Variants in CDC42BPA observed in about 807,000 individuals in gnomAD.
CDC42BPA encodes serine/threonine-protein kinase MRCK alpha.
A neutral mutation model predicts 223.5 loss-of-function variants in CDC42BPA; 80 were observed. The observed-to-expected ratio is 0.36, with a 90% CI of 0.30 to 0.43. The LOEUF (loss-of-function observed/expected upper bound fraction) is 0.43. CDC42BPA is among the 20% of genes least tolerant of loss of function. CDC42BPA has a pLI of 1.00. For missense variants in CDC42BPA, 1,743 were observed against 2,099.9 expected (o/e 0.83, Z 3.32); for synonymous variants, 694 against 718.6 (o/e 0.97, Z 0.55).
At chr1:227,192,808 C>CAA (rs11389466) in intron 5 of CDC42BPA, among the ~76,000 whole-genome samples, 6 of 151,670 alleles carry the variant, frequency 4.0e-5, no homozygotes, top group East Asian at 1.9e-4. Flanking sequence ...CACTTTCATA[C>CAA]AAAAAAAATC....
chr1:227,104,381 T>C (rs548565679), intron 14 of CDC42BPA, among the ~76,000 whole-genome samples: 4 of 152,312 alleles, frequency 2.6e-5, no homozygotes, highest in African/African-American at 9.6e-5. Flanking sequence ...GTTATGCGGA[T>C]AGTCTTCTTG....
intron 35 of CDC42BPA, among the ~76,000 whole-genome samples, chr1:226,995,545 C>T (rs1201875436): frequency 6.6e-6 from 1 of 152,182 alleles, no homozygotes; most frequent in Non-Finnish European, 1.5e-5. Flanking sequence ...CGCTTATCTT[C>T]TAGAAAATTT....
At chr1:227,001,694 G>A (rs1186972650) in intron 35 of CDC42BPA, among the ~76,000 whole-genome samples, 3 of 152,254 alleles carry the variant, frequency 2.0e-5, no homozygotes, top group Non-Finnish European at 2.9e-5. Context: ...ATTACCTGAG[G>A]TCGGGAGTTC....
chr1:227,236,203 T>C (rs937311480), intron 2 of CDC42BPA, among the ~76,000 whole-genome samples: 1 of 152,240 alleles, frequency 6.6e-6, no homozygotes, highest in Non-Finnish European at 1.5e-5. Context: ...GGGTGGTCCC[T>C]ACTGGATATA....
At chr1:227,028,186 C>G (rs1281857651) in intron 30 of CDC42BPA, among the ~76,000 whole-genome samples, 1 of 151,026 alleles carries the variant, frequency 6.6e-6, no homozygotes, top group African/African-American at 2.4e-5. Flanking sequence ...GTAAAATAAG[C>G]AATTATAAAT....
At chr1:227,175,448 T>A (rs771590373) in intron 5 of CDC42BPA, among the ~76,000 whole-genome samples, 4 of 151,306 alleles carry the variant, frequency 2.6e-5, no homozygotes, top group Non-Finnish European at 4.4e-5. Context: ...TATATATATA[T>A]AAATAAATAA....
intron 1 of CDC42BPA, among the ~76,000 whole-genome samples, chr1:227,297,857 G>C (rs1690909708): frequency 6.6e-6 from 1 of 151,060 alleles, no homozygotes; most frequent in Admixed American, 6.6e-5. Flanking sequence ...TTTTGAAATA[G>C]TGGTGATGTT....
chr1:227,048,254 T>C (rs1490960452), intron 22 of CDC42BPA, among the ~76,000 whole-genome samples: 1 of 151,952 alleles, frequency 6.6e-6, no homozygotes, highest in Non-Finnish European at 1.5e-5. Context: ...TCTGGAAATA[T>C]AAAAATAAAT....
intron 9 of CDC42BPA, among the ~76,000 whole-genome samples, chr1:227,141,128 T>G (rs940972475): frequency 6.6e-6 from 1 of 152,204 alleles, no homozygotes; most frequent in Admixed American, 6.5e-5. Flanking sequence ...GATCATTAGA[T>G]TTAGCAACAT....
intron 14 of CDC42BPA, among the ~76,000 whole-genome samples, chr1:227,108,923 A>G (rs12404416): frequency 0.15 from 23,479 of 152,182 alleles, 2,188 homozygotes; most frequent in African/African-American, 0.25. Context: ...AAACCTGTAC[A>G]GTATGGTACT....
At chr1:227,256,391 C>T (rs1254950543) in intron 1 of CDC42BPA, among the ~76,000 whole-genome samples, 2 of 152,088 alleles carry the variant, frequency 1.3e-5, no homozygotes, top group Non-Finnish European at 2.9e-5. Context: ...ACACAGATGA[C>T]AGGTTGATAG....
At chr1:227,291,803 T>A (rs1234763290) in intron 1 of CDC42BPA, among the ~76,000 whole-genome samples, 2 of 152,148 alleles carry the variant, frequency 1.3e-5, no homozygotes, top group African/African-American at 2.4e-5. Context: ...TACCTCTTAT[T>A]ACTGTACTAT....
intron 2 of CDC42BPA, chr1:227,234,290 G>C (rs1678582229): frequency 6.6e-6 from 1 of 152,180 alleles, no homozygotes; most frequent in South Asian, 2.1e-4. Flanking sequence ...AAATTAACTA[G>C]TGGAAACTTT....
chr1:227,243,705 C>T (rs4630094), intron 2 of CDC42BPA, among the ~76,000 whole-genome samples: 46,725 of 151,216 alleles, frequency 0.31, 7,365 homozygotes, highest in East Asian at 0.38. Flanking sequence ...AATTTCTGTT[C>T]AATACAAGAT....
At chr1:227,027,042 C>A (rs1237256008) in intron 30 of CDC42BPA, among the ~76,000 whole-genome samples, 1 of 152,210 alleles carries the variant, frequency 6.6e-6, no homozygotes, top group African/African-American at 2.4e-5. Flanking sequence ...ATCCTCCTGC[C>A]TCAGCCTCCT....
intron 3 of CDC42BPA, among the ~76,000 whole-genome samples, chr1:227,199,960 T>C (rs996185915): frequency 1.3e-5 from 2 of 152,216 alleles, no homozygotes; most frequent in African/African-American, 4.8e-5. Context: ...CATTTTGCCA[T>C]ATTTACTTCT....
In CDC42BPA at chr1:226,991,012, C is replaced by T. The variant is rs1045289; in HGVS notation, c.*3256G>A. Reference sequence around the variant, plus strand: ...AGTGTGTTGGGGATGTGTATAAATACATACATAATAACAAAAAATGTAAGA... The same window carrying T: ...AGTGTGTTGGGGATGTGTATAAATATATACATAATAACAAAAAATGTAAGA... On this transcript the variant is annotated 3_prime_UTR_variant, in exon 37 of 37. Coordinates refer to ENST00000366766, the MANE Select transcript of CDC42BPA (RefSeq NM_001394014.1). The T allele has an allele frequency of 0.39, 58,899 of 152,426 alleles. 11,881 individuals carry two copies. Among genetic ancestry groups the T allele is most frequent in the Non-Finnish European group, 0.46 (31,339 of 67,952 alleles). The allele number at this position is 152,426 out of a possible 1,614,324, so 9.4% of individuals were successfully genotyped here. A position where few individuals can be genotyped will look rare whatever the true frequency, so the allele number is the denominator to read the frequency against.
intron 1 of CDC42BPA, among the ~76,000 whole-genome samples, chr1:227,269,955 A>G (rs1183609418): frequency 1.3e-5 from 2 of 152,190 alleles, no homozygotes; most frequent in Admixed American, 1.3e-4. Context: ...TTTTGCCCAA[A>G]AACTCCACTT....
At chr1:227,202,374 T>C (rs1159813073) in intron 3 of CDC42BPA, among the ~76,000 whole-genome samples, 2 of 152,222 alleles carry the variant, frequency 1.3e-5, no homozygotes, top group Non-Finnish European at 2.9e-5. Context: ...GGTTATGGTT[T>C]ACTGCTAACA....
Sources: allele counts gnomAD v4.1 joint callset (sites outside exome capture counted in the v4.1 genomes callset), GRCh38; gene constraint gnomAD v4.1.1; transcripts MANE v1.5; gene names NCBI Gene and HGNC (gene_info 2026-07-23, HGNC 2026-07-21).